Variants in CSMD1 observed in about 807,000 individuals in gnomAD.
The protein encoded by CSMD1 is CUB and sushi domain-containing protein 1.
A neutral mutation model predicts 417.5 loss-of-function variants in CSMD1; 213 were observed. The ratio of observed to expected loss-of-function variants is 0.51; its 90% CI spans 0.46 to 0.57. CSMD1 has a LOEUF of 0.57. Ranked by LOEUF, CSMD1 falls within the 20% of genes least tolerant of loss-of-function variation. The probability of loss-of-function intolerance (pLI) is 0.00; values close to 1 mark genes in which losing one functional copy is unlikely to be tolerated. For synonymous variants in CSMD1, 2,862 were observed against 1,736.8 expected (o/e 1.65, Z -16.11); for missense variants, 6,923 against 4,529.7 (o/e 1.53, Z -15.17).
chr8:3,484,942 T>A (rs1401185730), intron 11 of CSMD1, among the ~76,000 whole-genome samples: 1 of 151,956 alleles, frequency 6.6e-6, no homozygotes, highest in African/African-American at 2.4e-5. Flanking sequence ...GGCGTGAGCA[T>A]GAGGACCACT....
At chr8:3,511,523 G>C (rs1797066467) in intron 10 of CSMD1, among the ~76,000 whole-genome samples, 1 of 151,644 alleles carries the variant, frequency 6.6e-6, no homozygotes, top group Non-Finnish European at 1.5e-5. Flanking sequence ...GGGAGGCCGA[G>C]GCAGGTAGAT....
chr8:3,620,998 C>T (rs961742787), intron 7 of CSMD1, among the ~76,000 whole-genome samples: 3 of 152,068 alleles, frequency 2.0e-5, no homozygotes, highest in Non-Finnish European at 4.4e-5. Flanking sequence ...AAGGTGAGCC[C>T]TAATCCAACA....
chr8:4,170,096 T>C (rs190067773), intron 3 of CSMD1, among the ~76,000 whole-genome samples: 68 of 151,922 alleles, frequency 4.5e-4, no homozygotes, highest in African/African-American at 1.5e-3. Context: ...ATTAAAAATA[T>C]GTATCCCTAA....
intron 42 of CSMD1, chr8:3,113,339 C>A (rs375721930): frequency 1.5e-4 from 23 of 152,324 alleles, no homozygotes; most frequent in African/African-American, 5.5e-4. Flanking sequence ...TAAAGAGACG[C>A]GCAGGCATTT....
At chr8:3,262,360 G>C (rs868427419) in intron 26 of CSMD1, among the ~76,000 whole-genome samples, 1 of 150,998 alleles carries the variant, frequency 6.6e-6, no homozygotes, top group Admixed American at 6.6e-5. Context: ...TGAAACTCCT[G>C]ACAAATATTG....
At chr8:3,139,616 G>A (rs1818311736) in intron 41 of CSMD1, among the ~76,000 whole-genome samples, 3 of 152,162 alleles carry the variant, frequency 2.0e-5, no homozygotes, top group Non-Finnish European at 4.4e-5. Context: ...GTTTACATAA[G>A]TTTTCTGGAA....
intron 1 of CSMD1, among the ~76,000 whole-genome samples, chr8:4,964,142 T>G (rs1809692722): frequency 6.6e-6 from 1 of 152,040 alleles, no homozygotes. Context: ...TTCACATTCT[T>G]TCCAAAGACT....
intron 6 of CSMD1, among the ~76,000 whole-genome samples, chr8:3,731,594 A>T (rs1161972242): frequency 6.6e-6 from 1 of 152,190 alleles, no homozygotes; most frequent in Non-Finnish European, 1.5e-5. Context: ...TGAAAGTGAT[A>T]TGAACTTTAC....
At chr8:4,657,257 G>C (rs1003770146) in intron 1 of CSMD1, among the ~76,000 whole-genome samples, 6 of 152,150 alleles carry the variant, frequency 3.9e-5, no homozygotes, top group African/African-American at 1.4e-4. Flanking sequence ...AAACAAGAAG[G>C]AAAAACTAAG....
At chr8:4,487,454 T>C (rs1267028193) in intron 2 of CSMD1, among the ~76,000 whole-genome samples, 2 of 152,204 alleles carry the variant, frequency 1.3e-5, no homozygotes, top group Non-Finnish European at 2.9e-5. Flanking sequence ...CTGAGAATGC[T>C]GATTTCCAAT....
chr8:3,602,089 A>G (rs76278945), intron 8 of CSMD1, among the ~76,000 whole-genome samples: 3,935 of 152,328 alleles, frequency 0.026, 76 homozygotes, highest in Middle Eastern at 0.075. Context: ...TTATACAACC[A>G]TATGAATGTG....
intron 2 of CSMD1, among the ~76,000 whole-genome samples, chr8:4,533,244 G>A (rs1362879817): frequency 1.3e-5 from 2 of 152,200 alleles, no homozygotes; most frequent in Non-Finnish European, 2.9e-5. Context: ...GCTCCAAGAA[G>A]CAAGACTTTG....
chr8:3,511,529 T>C (rs1378452665), intron 10 of CSMD1, among the ~76,000 whole-genome samples: 10 of 151,414 alleles, frequency 6.6e-5, no homozygotes, highest in African/African-American at 2.2e-4. Flanking sequence ...CCGAGGCAGG[T>C]AGATCACTTG....
intron 5 of CSMD1, among the ~76,000 whole-genome samples, chr8:3,986,774 T>C (rs569295434): frequency 1.7e-4 from 26 of 151,498 alleles, no homozygotes; most frequent in Non-Finnish European, 3.5e-4. Context: ...TCTTTTTTTT[T>C]AGATGGAGTC....
At chr8:4,024,311 A>G (rs1021363260) in intron 4 of CSMD1, among the ~76,000 whole-genome samples, 3 of 152,222 alleles carry the variant, frequency 2.0e-5, no homozygotes, top group Non-Finnish European at 4.4e-5. Flanking sequence ...AAATTACATA[A>G]AAGACAATAA....
At chr8:4,538,425 C>G (rs1441678463) in intron 2 of CSMD1, among the ~76,000 whole-genome samples, 2 of 151,924 alleles carry the variant, frequency 1.3e-5, no homozygotes, top group African/African-American at 4.8e-5. Context: ...GGGAGATCAC[C>G]TGAGATCAGG....
intron 1 of CSMD1, among the ~76,000 whole-genome samples, chr8:4,660,578 T>C (rs1052854901): frequency 2.6e-5 from 4 of 152,048 alleles, no homozygotes; most frequent in Non-Finnish European, 5.9e-5. Context: ...AATTTTAAAA[T>C]AATAGACACC....
intron 3 of CSMD1, among the ~76,000 whole-genome samples, chr8:4,354,229 T>G (rs1349173460): frequency 6.6e-6 from 1 of 152,208 alleles, no homozygotes; most frequent in African/African-American, 2.4e-5. Context: ...CTTCCGATAT[T>G]TCCACCTTAC....
At chr8:4,038,269 A>C (rs566192228) in intron 3 of CSMD1, among the ~76,000 whole-genome samples, 1 of 152,272 alleles carries the variant, frequency 6.6e-6, no homozygotes, top group East Asian at 1.9e-4. Flanking sequence ...ATTAAGAATA[A>C]ATTAGAATAT....
Sources: gnomAD v4.1 joint callset for allele counts (sites outside exome capture counted in the v4.1 genomes callset) on GRCh38, gnomAD v4.1.1 for gene constraint, MANE v1.5 for transcripts, NCBI Gene and HGNC (gene_info 2026-07-23, HGNC 2026-07-21) for gene names.